The following CD207 variants were observed in gnomAD, a reference collection of about 807,000 sequenced individuals.
CD207 encodes C-type lectin domain family 4 member K.
Under a neutral mutation model 31.6 loss-of-function variants are expected in CD207, and 28 were observed. The observed-to-expected ratio is 0.89, with a 90% CI of 0.66 to 1.21. CD207 has a LOEUF of 1.21. Ranked by LOEUF, CD207 falls within the 50% of genes most tolerant of loss-of-function variation. The probability of loss-of-function intolerance (pLI) is 0.00; values close to 1 mark genes in which losing one functional copy is unlikely to be tolerated. For missense variants in CD207, 388 were observed against 397.8 expected (o/e 0.98, Z 0.21); for synonymous variants, 168 against 153.9 (o/e 1.09, Z -0.68).
chr2:70,831,309 G>T, intron 5 of CD207, 109 bp from the exon 6 acceptor site: 1 of 1,115,452 alleles, frequency 9.0e-7, no homozygotes, highest in South Asian at 1.6e-5. Flanking sequence ...CTAGGGAATG[G>T]CATAGCAAAT....
downstream of CD207, among the ~76,000 whole-genome samples, chr2:70,829,727 C>G (rs1176754135): frequency 6.6e-6 from 1 of 152,098 alleles, no homozygotes; most frequent in African/African-American, 2.4e-5. Flanking sequence ...CCATTTGCAC[C>G]CAGAACAACA....
At chr2:70,824,132 T>C in the CD207 span, among the ~76,000 whole-genome samples, 2 of 152,098 alleles carry the variant, frequency 1.3e-5, no homozygotes, top group Non-Finnish European at 2.9e-5. Context: ...GATTCTTCTT[T>C]ATGTTTTTTA....
At chr2:70,824,162 A>T in the CD207 span, among the ~76,000 whole-genome samples, 1 of 152,132 alleles carries the variant, frequency 6.6e-6, no homozygotes, top group African/African-American at 2.4e-5. Flanking sequence ...ATTTTATTTA[A>T]TAGTAGGGAC....
In CD207 at chr2:70,833,856, C is replaced by T. The variant is rs185940860; in HGVS notation, c.355G>A (p.Val119Met). The T allele has an allele frequency of 2.4e-5, 38 of 1,613,956 alleles. 1 individual carries two copies. In the Admixed American group the frequency reaches 4.7e-4, roughly 20 times the overall value. Residue 119 changes from valine (V) to methionine (M), a missense_variant, in exon 3 of 6, where the codon GTG (valine) becomes ATG (methionine). Physicochemically the swap from Val to Met is conservative, Grantham distance 21. Coordinates refer to ENST00000410009, the MANE Select transcript of CD207 (RefSeq NM_015717.5). ...IQMVNESLGY[V>M]RSQFLKLKTS... ...TTTAACTTCAGGAACTGAGAACGCA[C>T]ATAACCCAGGCTCTCATTCACCATC...
intron 2 of CD207, among the ~76,000 whole-genome samples, chr2:70,835,091 G>A (rs561208203): frequency 1.1e-4 from 16 of 152,242 alleles, no homozygotes; most frequent in Middle Eastern, 3.4e-3. Flanking sequence ...CATGAGGCTC[G>A]GTCCTTCACA....
chr2:70,830,933 T>G lies in CD207; in HGVS notation c.*117A>C. ...ACTCCAGAATGCCACTGTGGGACAA[T>G]TTTGAAGCAAGAAAAATTAACGTGC... On this transcript the variant is annotated 3_prime_UTR_variant, in exon 6 of 6. Coordinates refer to ENST00000410009, the MANE Select transcript of CD207 (RefSeq NM_015717.5). 1.0e-6 allele frequency: 1 copy of G among 1,001,210 alleles called. No individual in the cohort carries two copies. The highest frequency in any genetic ancestry group is 1.4e-6 in the Non-Finnish European group (1 of 701,074). 62.0% of individuals were successfully genotyped at this position (1,001,210 alleles called of 1,614,324 possible).
chr2:70,834,236 A>G (rs1458969449), intron 2 of CD207, among the ~76,000 whole-genome samples: 1 of 152,168 alleles, frequency 6.6e-6, no homozygotes, highest in Non-Finnish European at 1.5e-5. Context: ...GTGGATACAG[A>G]TAATGGGGAG....
intron 3 of CD207, among the ~76,000 whole-genome samples, chr2:70,833,385 G>A (rs1677525333): frequency 1.3e-5 from 2 of 152,180 alleles, no homozygotes; most frequent in Non-Finnish European, 2.9e-5. Flanking sequence ...CTAGGTGTGG[G>A]CCAGGGTGGA....
intron 2 of CD207, 64 bp from the exon 3 acceptor site, chr2:70,834,084 T>C (rs1205783916): frequency 6.5e-6 from 9 of 1,394,374 alleles, no homozygotes; most frequent in African/African-American, 1.4e-5. Flanking sequence ...GGGGGTGTTG[T>C]CAGGTTGATC....
chr2:70,825,358 C>A (rs546229159), downstream of CD207, among the ~76,000 whole-genome samples: 1 of 152,112 alleles, frequency 6.6e-6, no homozygotes, highest in Admixed American at 6.6e-5. Flanking sequence ...TAGGGGAAAA[C>A]CAACGAAATC....
In CD207 at chr2:70,833,831, T is replaced by G; in HGVS notation, c.380A>C (p.Lys127Thr). The G allele has an allele frequency of 1.9e-6, 3 of 1,614,012 alleles. No homozygotes were observed. Among genetic ancestry groups the G allele is most frequent in the Middle Eastern group, 1.6e-4 (1 of 6,062 alleles). Reference protein sequence around the residue: ...GYVRSQFLKLKTSVEKANAQI... With the variant: ...GYVRSQFLKLTTSVEKANAQI... Reference sequence around the variant, plus strand: ...TGCGTTGGCCTTCTCCACACTGGTTTTTAACTTCAGGAACTGAGAACGCAC... The same window carrying G: ...TGCGTTGGCCTTCTCCACACTGGTTGTTAACTTCAGGAACTGAGAACGCAC... Residue 127 changes from lysine (K) to threonine (T), a missense_variant, in exon 3 of 6, where the codon AAA becomes ACA. By Grantham distance (78) the Lys-to-Thr change is moderately conservative. Coordinates refer to ENST00000410009, the MANE Select transcript of CD207 (RefSeq NM_015717.5).
downstream of CD207, among the ~76,000 whole-genome samples, chr2:70,829,187 C>T (rs782773214): frequency 1.3e-5 from 2 of 152,206 alleles, no homozygotes; most frequent in African/African-American, 2.4e-5. Context: ...CCAGAGATCC[C>T]CGACCAGCCT....
In CD207 at chr2:70,835,522, C is replaced by A; in HGVS notation, c.159G>T (p.Leu53=). 2 of 1,613,788 alleles carry A rather than the reference C, an allele frequency of 1.2e-6. No individual in the cohort carries two copies. Among genetic ancestry groups the A allele is most frequent in the South Asian group, 1.1e-5 (1 of 91,056 alleles). The change falls in exon 2 of 6, where the codon CTG becomes CTT. Residue 53 remains leucine, a synonymous_variant. Transcript: ENST00000410009. The stretch of plus-strand genomic sequence containing the variant: ...CGGCCTGCAGCAGGACGGAGGCGAC[C>A]AGGACCAGCGTCAGGCAGATTAATG... The part of the protein sequence containing the change: ...RAALICLTLV[L]VASVLLQAVL...
intron 4 of CD207, among the ~76,000 whole-genome samples, chr2:70,832,222 A>G (rs1307428236): frequency 6.6e-6 from 1 of 152,162 alleles, no homozygotes; most frequent in African/African-American, 2.4e-5. Flanking sequence ...AGGTGCCATC[A>G]CCATGCATGT....
chr2:70,832,446 G>C (rs72836213), intron 4 of CD207, among the ~76,000 whole-genome samples: 2,691 of 152,286 alleles, frequency 0.018, 68 homozygotes, highest in African/African-American at 0.062. Flanking sequence ...AATCATTAAG[G>C]CTGTTCACAA....
chr2:70,831,091 G>T lies in CD207; in HGVS notation c.946C>A (p.Leu316Ile), dbSNP rs368427120. 1.2e-6 allele frequency: 2 copies of T among 1,613,670 alleles called. No individual in the cohort carries two copies. The highest frequency in any genetic ancestry group is 1.3e-5 in the African/African-American group (1 of 74,912). ...ACATAGGGTCGCTTACAAATGAAAA[G>T]AAACGTTTTGTCACATGGGGCATCA... is the stretch of plus-strand genomic sequence containing the variant. ...WNDAPCDKTF[L>I]FICKRPYVPS... is the part of the protein sequence containing the mutation. Residue 316 changes from leucine to isoleucine, a missense_variant, in exon 6 of 6, where the codon CTT becomes ATT. Physicochemically the swap from Leu to Ile is conservative, Grantham distance 5 (BLOSUM62 2). Coordinates refer to ENST00000410009, the MANE Select transcript of CD207 (RefSeq NM_015717.5).
intron 4 of CD207, among the ~76,000 whole-genome samples, chr2:70,832,170 G>C (rs1172185499): frequency 1.3e-5 from 2 of 152,216 alleles, no homozygotes; most frequent in African/African-American, 4.8e-5. Flanking sequence ...ATACGGCACT[G>C]TGCTGAGTCG....
At chr2:70,826,542 AT>A (rs528756075), downstream of CD207, among the ~76,000 whole-genome samples, 1,749 of 151,746 alleles carry the variant, frequency 0.012, 26 homozygotes, top group Middle Eastern at 0.037. Context: ...CACCCAGCTA[AT>A]TTTTTTTGTA....
At chr2:70,827,071 G>T (rs1457234047), downstream of CD207, among the ~76,000 whole-genome samples, 1 of 152,042 alleles carries the variant, frequency 6.6e-6, no homozygotes, top group Non-Finnish European at 1.5e-5. Flanking sequence ...GAGTTCTCTT[G>T]GTGCCTCAGG....
Sources: gnomAD v4.1 joint callset for allele counts (sites outside exome capture counted in the v4.1 genomes callset) on GRCh38, gnomAD v4.1.1 for gene constraint, MANE v1.5 for transcripts, NCBI Gene and HGNC (gene_info 2026-07-23, HGNC 2026-07-21) for gene names.